The following SMAD2 variants were observed in gnomAD, a reference collection of about 807,000 sequenced individuals.
SMAD2 encodes MAD homolog 2.
In SMAD2, 8 loss-of-function variants were observed where a neutral mutation model predicts 64.4. The observed-to-expected ratio is 0.12, with a 90% CI of 0.07 to 0.22. The LOEUF (loss-of-function observed/expected upper bound fraction) is 0.22. Ranked by LOEUF, SMAD2 falls within the 10% of genes least tolerant of loss-of-function variation. The pLI is 1.00. For synonymous variants in SMAD2, 203 were observed against 195.8 expected (o/e 1.04, Z -0.31); for missense variants, 289 against 561.2 (o/e 0.51, Z 4.90).
intron 6 of SMAD2, among the ~76,000 whole-genome samples, chr18:47,863,821 G>A (rs1205829981): frequency 2.6e-5 from 4 of 152,160 alleles, no homozygotes; most frequent in Non-Finnish European, 5.9e-5. Flanking sequence ...GCCACAATAT[G>A]TTAACTCTGT....
chr18:47,854,165 C>G (rs192836264), intron 6 of SMAD2, among the ~76,000 whole-genome samples: 3 of 151,488 alleles, frequency 2.0e-5, no homozygotes, highest in South Asian at 4.2e-4. Context: ...CTATTGGAGT[C>G]TCACCTACCA....
At chr18:47,906,758 C>T (rs1307233402) in intron 1 of SMAD2, among the ~76,000 whole-genome samples, 1 of 152,104 alleles carries the variant, frequency 6.6e-6, no homozygotes, top group Non-Finnish European at 1.5e-5. Flanking sequence ...TACCTGTAGT[C>T]TTTAGCTTGT....
intron 2 of SMAD2, among the ~76,000 whole-genome samples, chr18:47,891,023 G>A (rs2144453644): frequency 6.6e-6 from 1 of 152,198 alleles, no homozygotes; most frequent in African/African-American, 2.4e-5. Flanking sequence ...TGTAAGAGGT[G>A]GCCGGGCATG....
At position 47,832,336 on chromosome 18, in the gene SMAD2, A is replaced by G. The variant is rs1016051119; in HGVS notation, c.*9491T>C. 29 of 152,192 alleles carry G rather than the reference A, an allele frequency of 1.9e-4. No individual in the cohort carries two copies. The highest frequency in any genetic ancestry group is 7.0e-4 in the African/African-American group (29 of 41,444). 9.4% of individuals were successfully genotyped at this position (152,192 alleles called of 1,614,324 possible). A position where few individuals can be genotyped will look rare whatever the true frequency, so the allele number is the denominator to read the frequency against. On this transcript the variant is annotated 3_prime_UTR_variant, in exon 11 of 11. Transcript: ENST00000262160. ...AGTCAGCCCTCAATGTTGTTGTTCA[A>G]TGTTGGGAAGTCCCTTTTAGATTAT...
intron 10 of SMAD2, among the ~76,000 whole-genome samples, chr18:47,842,154 C>T (rs1334218164): frequency 1.3e-5 from 2 of 152,154 alleles, no homozygotes; most frequent in Admixed American, 6.5e-5. Flanking sequence ...TTTACAAGAA[C>T]ATCTTTTTCT....
chr18:47,886,923 CAA>C (rs11432634), intron 2 of SMAD2: 52 of 126,424 alleles, frequency 4.1e-4, no homozygotes, highest in East Asian at 1.7e-3. Context: ...TGATTATATG[CAA>C]AAAAAAAAAA....
In SMAD2 at chr18:47,811,879, C is replaced by T. The variant is rs1432944540; in HGVS notation, c.*29948G>A. The T allele has an allele frequency of 6.6e-6, 1 of 152,184 alleles. No individual in the cohort carries two copies. Among genetic ancestry groups the T allele is most frequent in the African/African-American group, 2.4e-5 (1 of 41,434 alleles). The allele number at this position is 152,184 out of a possible 1,614,324, so 9.4% of individuals were successfully genotyped here. A position where few individuals can be genotyped will look rare whatever the true frequency, so the allele number is the denominator to read the frequency against. ...TATTGCATGCCTACCATATATAAAG[C>T]ACTGCTGGAAATGTTGAAGCAGACA... On this transcript the variant is annotated 3_prime_UTR_variant, in exon 11 of 11. Coordinates refer to ENST00000262160, the MANE Select transcript of SMAD2 (RefSeq NM_005901.6).
chr18:47,886,127 A>G (rs1007084962), intron 2 of SMAD2, among the ~76,000 whole-genome samples: 6 of 152,252 alleles, frequency 3.9e-5, no homozygotes, highest in Non-Finnish European at 8.8e-5. Flanking sequence ...CAATGATTAC[A>G]ATACAGAATG....
intron 1 of SMAD2, among the ~76,000 whole-genome samples, chr18:47,905,906 G>A (rs947099827): frequency 2.0e-5 from 3 of 152,118 alleles, no homozygotes; most frequent in Non-Finnish European, 2.9e-5. Context: ...GAGCTCTAGT[G>A]TTCAAGACCA....
chr18:47,879,528 G>GTGTGTGTGTGT (rs1555653713), intron 2 of SMAD2, among the ~76,000 whole-genome samples: 29 of 151,124 alleles, frequency 1.9e-4, no homozygotes, highest in Non-Finnish European at 2.2e-4. Context: ...GTGTGTGTGT[G>GTGTGTGTGTGT]GAGTCGTTTT....
chr18:47,854,475 T>C (rs866825064), intron 6 of SMAD2, among the ~76,000 whole-genome samples: 1 of 152,302 alleles, frequency 6.6e-6, no homozygotes, highest in Admixed American at 6.5e-5. Flanking sequence ...GCCAATATGA[T>C]AGGTTTAAAA....
Position 47,837,954 on chromosome 18 carries a change from C to T in SMAD2, c.*3873G>A, listed in dbSNP as rs1362228194. On this transcript the variant is annotated 3_prime_UTR_variant, in exon 11 of 11. Transcript: ENST00000262160. ...AACATAAACCTACGCCACCCTCAGA[C>T]GAAGAGGGTATCTAACACTGAATAA... is the stretch of plus-strand genomic sequence containing the variant. The T allele has an allele frequency of 4.3e-6, 1 of 231,986 alleles. No homozygotes were observed. The highest frequency in any genetic ancestry group is 8.5e-6 in the Non-Finnish European group (1 of 117,262). The allele number at this position is 231,986 out of a possible 1,614,324, so 14.4% of individuals were successfully genotyped here. A position where few individuals can be genotyped will look rare whatever the true frequency, so the allele number is the denominator to read the frequency against.
intron 2 of SMAD2, among the ~76,000 whole-genome samples, chr18:47,874,631 T>C (rs1825259575): frequency 6.6e-6 from 1 of 152,112 alleles, no homozygotes; most frequent in Admixed American, 6.6e-5. Flanking sequence ...ATTTAGCATA[T>C]GATGAAGGCA....
rs550897171 is a variant in SMAD2, at chr18:47,850,340, T to C, written c.784+934A>G. ...TATACATATTATGTATAATATATGT[T>C]ATATATATTATACATAATATGTATA... is the stretch of plus-strand genomic sequence containing the variant. On this transcript the variant is annotated intron_variant, in intron 7 of 10. Transcript: ENST00000262160. Among the ~76,000 whole-genome samples, 254 of 42,104 alleles carry C rather than the reference T, an allele frequency of 6.0e-3. 60 individuals are homozygous for C. The highest frequency in any genetic ancestry group is 0.028 in the African/African-American group (244 of 8,792). The allele number at this position is 42,104 out of a possible 152,430, so 27.6% of individuals were successfully genotyped here. A position where few individuals can be genotyped will look rare whatever the true frequency, so the allele number is the denominator to read the frequency against.
In SMAD2 at chr18:47,824,850, A is replaced by C. The variant is rs952216735; in HGVS notation, c.*16977T>G. The C allele has an allele frequency of 2.0e-5, 3 of 152,242 alleles. No homozygotes were observed. Among genetic ancestry groups the C allele is most frequent in the Non-Finnish European group, 4.4e-5 (3 of 68,036 alleles). The allele number at this position is 152,242 out of a possible 1,614,324, so 9.4% of individuals were successfully genotyped here. ...AATCATGGCAAAAAACTTTGTTTTC[A>C]TATGCCCATTATGGCTTGCTGACTG... On this transcript the variant is annotated 3_prime_UTR_variant, in exon 11 of 11. Coordinates refer to ENST00000262160, the MANE Select transcript of SMAD2 (RefSeq NM_005901.6).
chr18:47,850,626 A>ATAATATATAT (rs1915332918), intron 7 of SMAD2, among the ~76,000 whole-genome samples: 1 of 35,642 alleles, frequency 2.8e-5, no homozygotes, highest in African/African-American at 1.1e-4. Flanking sequence ...TATATATTAT[A>ATAATATATAT]TATATATTAT....
At chr18:47,871,301 T>C (rs554960880) in intron 2 of SMAD2, among the ~76,000 whole-genome samples, 1 of 152,368 alleles carries the variant, frequency 6.6e-6, no homozygotes, top group Non-Finnish European at 1.5e-5. Context: ...TACTAAGTTG[T>C]ACTTTTCTGA....
chr18:47,917,984 C>T (rs1175565813), intron 1 of SMAD2, among the ~76,000 whole-genome samples: 1 of 152,174 alleles, frequency 6.6e-6, no homozygotes, highest in African/African-American at 2.4e-5. Flanking sequence ...TAACTCTAGG[C>T]TAGCTGTAGG....
At chr18:47,859,822 A>G (rs1016450443) in intron 6 of SMAD2, among the ~76,000 whole-genome samples, 1 of 152,236 alleles carries the variant, frequency 6.6e-6, no homozygotes, top group Non-Finnish European at 1.5e-5. Context: ...CCATTACAAG[A>G]CATTCTAATA....
Sources: allele counts gnomAD v4.1 joint callset (sites outside exome capture counted in the v4.1 genomes callset), GRCh38; gene constraint gnomAD v4.1.1; transcripts MANE v1.5; gene names NCBI Gene and HGNC (gene_info 2026-07-23, HGNC 2026-07-21).